NEK7: variants seen among roughly 807,000 people sequenced by gnomAD.
The protein encoded by NEK7 is NIMA related kinase 7, also known as serine/threonine-protein kinase Nek7.
A neutral mutation model predicts 44.6 loss-of-function variants in NEK7; 18 were observed. The ratio of observed to expected loss-of-function variants is 0.40; its 90% CI spans 0.28 to 0.60. The LOEUF (loss-of-function observed/expected upper bound fraction) is 0.60, where lower values mean the gene tolerates loss of function less well. Among genes scored for constraint, NEK7 ranks in the 20% least tolerant of loss-of-function variants. The pLI is 0.38. For synonymous variants in NEK7, 130 were observed against 121.1 expected (o/e 1.07, Z -0.48); for missense variants, 256 against 366.5 (o/e 0.70, Z 2.46).
intron 2 of NEK7, among the ~76,000 whole-genome samples, chr1:198,241,258 T>C (rs1323491008): frequency 6.6e-6 from 1 of 152,254 alleles, no homozygotes; most frequent in Non-Finnish European, 1.5e-5. Flanking sequence ...ATGATTCTTA[T>C]GTTTCACATA....
At chr1:198,166,485 G>C (rs563893911) in intron 1 of NEK7, among the ~76,000 whole-genome samples, 1 of 152,234 alleles carries the variant, frequency 6.6e-6, no homozygotes, top group East Asian at 1.9e-4. Flanking sequence ...ATCATTTCCA[G>C]CTTTTGATTT....
intron 1 of NEK7, chr1:198,220,689 A>C (rs886700655): frequency 2.6e-5 from 4 of 152,040 alleles, no homozygotes; most frequent in African/African-American, 9.7e-5. Context: ...ACTTGGGGCC[A>C]AGAAAAATAT....
chr1:198,171,547 C>T (rs1308877936), intron 1 of NEK7, among the ~76,000 whole-genome samples: 1 of 151,866 alleles, frequency 6.6e-6, no homozygotes, highest in African/African-American at 2.4e-5. Flanking sequence ...GGCATGGTGG[C>T]GCACTCCTGT....
intron 2 of NEK7, among the ~76,000 whole-genome samples, chr1:198,245,616 C>T (rs1399668304): frequency 6.6e-6 from 1 of 152,154 alleles, no homozygotes; most frequent in Admixed American, 6.5e-5. Context: ...CATGGTGCAG[C>T]TGATGGAGGG....
chr1:198,245,642 C>G (rs1007040169), intron 2 of NEK7, among the ~76,000 whole-genome samples: 22 of 152,154 alleles, frequency 1.4e-4, no homozygotes, highest in African/African-American at 5.3e-4. Context: ...TAGCGAGGTG[C>G]AAAATTGACT....
intron 9 of NEK7, among the ~76,000 whole-genome samples, chr1:198,318,909 A>G: frequency 6.6e-6 from 1 of 152,196 alleles, no homozygotes; most frequent in Non-Finnish European, 1.5e-5. Context: ...AGTTTAAAGG[A>G]GTGTTTTTTT....
At chr1:198,215,349 T>A (rs541114730) in intron 1 of NEK7, among the ~76,000 whole-genome samples, 1 of 152,152 alleles carries the variant, frequency 6.6e-6, no homozygotes, top group Non-Finnish European at 1.5e-5. Context: ...ATGTAAATGG[T>A]TTAAATGCTC....
chr1:198,209,142 G>A (rs1571533386), intron 1 of NEK7, among the ~76,000 whole-genome samples: 1 of 82,550 alleles, frequency 1.2e-5, no homozygotes, highest in Non-Finnish European at 2.2e-5. Flanking sequence ...ATATGTATGT[G>A]TATATATATA....
chr1:198,282,352 G>A (rs1056402201), intron 7 of NEK7, among the ~76,000 whole-genome samples: 2 of 151,988 alleles, frequency 1.3e-5, no homozygotes, highest in African/African-American at 2.4e-5. Context: ...GCCCTTTACA[G>A]TTTGGTGTCC....
intron 1 of NEK7, among the ~76,000 whole-genome samples, chr1:198,196,525 A>G (rs1381734951): frequency 6.6e-6 from 1 of 152,234 alleles, no homozygotes; most frequent in Non-Finnish European, 1.5e-5. Flanking sequence ...TGGCAAAACT[A>G]CAAAGGGGTT....
At chr1:198,162,410 T>G (rs1428956055) in intron 1 of NEK7, among the ~76,000 whole-genome samples, 1 of 152,224 alleles carries the variant, frequency 6.6e-6, no homozygotes, top group Non-Finnish European at 1.5e-5. Context: ...TGGAAAAGAC[T>G]AGGCAGAAAA....
intron 2 of NEK7, among the ~76,000 whole-genome samples, chr1:198,251,719 A>G: frequency 6.6e-6 from 1 of 151,306 alleles, no homozygotes; most frequent in Non-Finnish European, 1.5e-5. Context: ...ATCGGTGGTG[A>G]TATCCCCTTT....
chr1:198,298,447 A>G (rs1654776966), intron 9 of NEK7, among the ~76,000 whole-genome samples: 1 of 152,186 alleles, frequency 6.6e-6, no homozygotes, highest in South Asian at 2.1e-4. Context: ...TCTGCATAGC[A>G]TTTGTATTCA....
chr1:198,242,538 T>C (rs1268160226), intron 2 of NEK7, among the ~76,000 whole-genome samples: 1 of 148,170 alleles, frequency 6.7e-6, no homozygotes, highest in African/African-American at 2.5e-5. Flanking sequence ...AGTGGCTCAC[T>C]GCAAGCTCCA....
At chr1:198,213,199 G>C (rs552513513) in intron 1 of NEK7, among the ~76,000 whole-genome samples, 1 of 152,334 alleles carries the variant, frequency 6.6e-6, no homozygotes, top group Non-Finnish European at 1.5e-5. Flanking sequence ...GGCCTTTAGG[G>C]ACTGTTAATC....
intron 3 of NEK7, among the ~76,000 whole-genome samples, 155 bp downstream of exon 3, chr1:198,253,335 A>G (rs1653140056): frequency 6.6e-6 from 1 of 152,156 alleles, no homozygotes; most frequent in African/African-American, 2.4e-5. Context: ...AAACAAGTGT[A>G]GTATGGAGTG....
chr1:198,235,225 A>G (rs1043174156), intron 2 of NEK7, among the ~76,000 whole-genome samples: 1 of 152,198 alleles, frequency 6.6e-6, no homozygotes, highest in Non-Finnish European at 1.5e-5. Context: ...TCTTGTTTCA[A>G]AATGAATACT....
chr1:198,247,960 G>A (rs1184345971), intron 2 of NEK7, among the ~76,000 whole-genome samples: 1 of 152,168 alleles, frequency 6.6e-6, no homozygotes, highest in Middle Eastern at 3.2e-3. Context: ...AATGTAATGT[G>A]CTCATGAACC....
intron 9 of NEK7, among the ~76,000 whole-genome samples, chr1:198,315,315 A>G (rs1571626159): frequency 6.6e-6 from 1 of 152,182 alleles, no homozygotes; most frequent in African/African-American, 2.4e-5. Context: ...GCGCGCACCC[A>G]CTGACCTGCG....
Sources: gnomAD v4.1 joint callset for allele counts (sites outside exome capture counted in the v4.1 genomes callset) on GRCh38, gnomAD v4.1.1 for gene constraint, MANE v1.5 for transcripts, NCBI Gene and HGNC (gene_info 2026-07-23, HGNC 2026-07-21) for gene names.